The following GALNT5 variants were observed in gnomAD, a reference collection of about 807,000 sequenced individuals.
GALNT5 encodes the protein polypeptide N-acetylgalactosaminyltransferase 5.
In GALNT5, 72 loss-of-function variants were observed where a neutral mutation model predicts 85.4. The ratio of observed to expected loss-of-function variants is 0.84; its 90% CI spans 0.70 to 1.03. The LOEUF (loss-of-function observed/expected upper bound fraction) is 1.03. GALNT5 is among the 50% of genes least tolerant of loss of function. The pLI is 0.00. For missense variants in GALNT5, 1,137 were observed against 1,135.5 expected, an observed-to-expected ratio of 1.00 and a Z score of -0.02; for synonymous variants, 404 against 397.0, an observed-to-expected ratio of 1.02 and a Z score of -0.21.
intron 1 of GALNT5, among the ~76,000 whole-genome samples, chr2:157,268,051 GC>G (rs1357565075): frequency 1.3e-5 from 2 of 152,132 alleles, no homozygotes; most frequent in South Asian, 2.1e-4. Context: ...GGGAGTGAAG[GC>G]CCCTGAAGGC....
chr2:157,296,598 T>C, intron 5 of GALNT5, 85 bp downstream of exon 5: 1 of 954,878 alleles, frequency 1.0e-6, no homozygotes, highest in East Asian at 2.5e-5. Flanking sequence ...AGCTGTATCT[T>C]GTTATTCTAT....
chr2:157,258,242 C>T lies in GALNT5; in HGVS notation c.160C>T (p.Arg54Trp), dbSNP rs747442167. ...CAAGGAAGACATTGTGAGGAGGGAG[C>T]GGATAGGATTCAGAGTTCAGCCAGA... ...VIKEDIVRRE[R>W]IGFRVQPDQG... The change falls in exon 1 of 10, where the codon CGG becomes TGG. Residue 54 changes from arginine (R) to tryptophan (W), a missense_variant. Coordinates refer to ENST00000259056, the MANE Select transcript of GALNT5 (RefSeq NM_014568.3). 25 of 1,611,792 alleles carry T rather than the reference C, an allele frequency of 1.6e-5. No homozygotes were observed. The highest frequency in any genetic ancestry group is 2.0e-5 in the Non-Finnish European group (24 of 1,179,186).
chr2:157,292,712 A>AT (rs34679647), intron 3 of GALNT5, among the ~76,000 whole-genome samples: 4,563 of 147,088 alleles, frequency 0.031, 129 homozygotes, highest in East Asian at 0.16. Context: ...TCGTATTATT[A>AT]TTTTTTTTTT....
At chr2:157,287,103 A>G (rs1374150124) in intron 3 of GALNT5, among the ~76,000 whole-genome samples, 3 of 151,980 alleles carry the variant, frequency 2.0e-5, no homozygotes, top group Non-Finnish European at 4.4e-5. Flanking sequence ...CATATAATAT[A>G]ACATAATATC....
intron 5 of GALNT5, among the ~76,000 whole-genome samples, chr2:157,297,199 C>A (rs1460568743): frequency 1.3e-5 from 2 of 152,174 alleles, no homozygotes. Flanking sequence ...AAGCCAGCCC[C>A]AACAGAAAGC....
At chr2:157,294,183 G>A (rs1683159412) in intron 3 of GALNT5, among the ~76,000 whole-genome samples, 1 of 152,198 alleles carries the variant, frequency 6.6e-6, no homozygotes, top group Admixed American at 6.5e-5. Flanking sequence ...AATGAAAGCA[G>A]TAGTCAAGCC....
At chr2:157,293,498 C>T (rs139113688) in intron 3 of GALNT5, among the ~76,000 whole-genome samples, 66 of 152,284 alleles carry the variant, frequency 4.3e-4, no homozygotes, top group African/African-American at 1.5e-3. Flanking sequence ...TGGATTGACA[C>T]GTACATTCAG....
At position 157,263,420 on chromosome 2, in the gene GALNT5, C is replaced by T. The variant is rs968249621; in HGVS notation, c.1454+3884C>T. 2.6e-4 allele frequency among the ~76,000 whole-genome samples: 39 copies of T among 152,322 alleles called. No individual in the cohort carries two copies. In the East Asian group the frequency reaches 2.9e-3, roughly 11 times the overall value. On this transcript the variant is annotated intron_variant, in intron 1 of 9. Transcript: ENST00000259056. The stretch of plus-strand genomic sequence containing the variant: ...TAATTCAATGTTGCTCAGAATCCAA[C>T]TGTGGCTTCCTTCCACCTGGACCAT...
rs777256847 is a variant in GALNT5, at chr2:157,300,759, C to T, written c.2199C>T (p.Phe733=). The change falls in exon 7 of 10, where the codon TTC becomes TTT. Residue 733 remains phenylalanine, a synonymous_variant. Coordinates refer to ENST00000259056, the MANE Select transcript of GALNT5 (RefSeq NM_014568.3). ...TCAGAAATGACAATCCATATTCCTTCCCCAAAGACCGGATGAAGACAGTGG... is the reference window on the plus strand; with the variant it reads ...TCAGAAATGACAATCCATATTCCTTTCCCAAAGACCGGATGAAGACAGTGG... The part of the protein sequence containing the change: ...HIFRNDNPYS[F]PKDRMKTVER... The T allele has an allele frequency of 6.2e-6, 10 of 1,613,902 alleles. No individual in the cohort carries two copies. Among genetic ancestry groups the T allele is most frequent in the Non-Finnish European group, 1.7e-6 (2 of 1,179,904 alleles).
At chr2:157,310,453 A>G (rs1437411040) in intron 9 of GALNT5, among the ~76,000 whole-genome samples, 1 of 152,180 alleles carries the variant, frequency 6.6e-6, no homozygotes. Flanking sequence ...CAAGGGTGAC[A>G]ATACTTTTGT....
rs369600914 is a variant in GALNT5, at chr2:157,292,262, T to C, written c.1742-3401T>C. Among the ~76,000 whole-genome samples the C allele has an allele frequency of 1.4e-4, 22 of 152,336 alleles. No homozygotes were observed. The East Asian group carries it at 3.3e-3, about 23-fold the overall frequency. ...TCTCCCCTCTCTGAATCAGGAACAG[T>C]GCGTACAATGTCCATAGACAATAAC... is the stretch of plus-strand genomic sequence containing the variant. On this transcript the variant is annotated intron_variant, in intron 3 of 9. Transcript: ENST00000259056.
Position 157,257,938 on chromosome 2 carries a change from A to G in GALNT5, c.-145A>G. On this transcript the variant is annotated 5_prime_UTR_variant, in exon 1 of 10. Transcript: ENST00000259056. ...GGTAGGAACTGAGCTTTCCCCTTGG[A>G]CTGCTGCTTCCTGCTGTGTTCAGGG... The G allele has an allele frequency of 1.3e-6, 1 of 780,948 alleles. No individual in the cohort carries two copies. Among genetic ancestry groups the G allele is most frequent in the Non-Finnish European group, 2.1e-6 (1 of 468,510 alleles). 48.4% of individuals were successfully genotyped at this position (780,948 alleles called of 1,614,324 possible).
intron 1 of GALNT5, among the ~76,000 whole-genome samples, chr2:157,259,967 T>C (rs1682302065): frequency 6.6e-6 from 1 of 152,234 alleles, no homozygotes; most frequent in African/African-American, 2.4e-5. Context: ...AGAAGGACTC[T>C]TCTAGGCCTC....
rs1683711982 is a variant in GALNT5 at position 157,316,642 on chromosome 2, G to T, written c.*5294G>T. ...GAAAAAAAAATTAACCAGAGATATT[G>T]TACAAAATATTTATTTTTTGACAGT... On this transcript the variant is annotated 3_prime_UTR_variant, in exon 10 of 10. Coordinates refer to ENST00000259056, the MANE Select transcript of GALNT5 (RefSeq NM_014568.3). 6.6e-6 allele frequency among the ~76,000 whole-genome samples: 1 copy of T among 151,944 alleles called. No individual in the cohort carries two copies. Among genetic ancestry groups the T allele is most frequent in the Admixed American group, 6.6e-5 (1 of 15,250 alleles).
At position 157,308,840 on chromosome 2, in the gene GALNT5, C is replaced by CCCAT. The variant is rs1176428795; in HGVS notation, c.2682+112_2682+113insCCAT. 3 of 778,820 alleles carry CCCAT rather than the reference C, an allele frequency of 3.9e-6. No individual in the cohort carries two copies. The Admixed American group carries it at 8.9e-5, about 23-fold the overall frequency. 48.2% of individuals were successfully genotyped at this position (778,820 alleles called of 1,614,324 possible). A position where few individuals can be genotyped will look rare whatever the true frequency, so the allele number is the denominator to read the frequency against. ...GTCAGAAGTTTTGTGTGTTTGTGAC[C>CCCAT]ATGGGATTATGTAAAAGTTCATTCA... On this transcript the variant is annotated intron_variant, in intron 9 of 9. Transcript: ENST00000259056.
At position 157,312,508 on chromosome 2, in the gene GALNT5, G is replaced by A. The variant is rs1003919395; in HGVS notation, c.*1160G>A. On this transcript the variant is annotated 3_prime_UTR_variant, in exon 10 of 10. Transcript: ENST00000259056. ...GAGTAAAGCCCTCAGTGTGAACCCA[G>A]TGAGAACACTGACAAATTTGGGAAA... is the stretch of plus-strand genomic sequence containing the variant. 2.0e-5 allele frequency: 3 copies of A among 151,990 alleles called. No individual in the cohort carries two copies. Among genetic ancestry groups the A allele is most frequent in the African/African-American group, 4.8e-5 (2 of 41,378 alleles). The allele number at this position is 151,990 out of a possible 1,614,324, so 9.4% of individuals were successfully genotyped here. A position where few individuals can be genotyped will look rare whatever the true frequency, so the allele number is the denominator to read the frequency against.
intron 1 of GALNT5, among the ~76,000 whole-genome samples, chr2:157,274,956 G>T (rs907092217): frequency 1.6e-4 from 25 of 152,128 alleles, no homozygotes; most frequent in African/African-American, 4.1e-4. Flanking sequence ...GGGTTTTTAC[G>T]GTTTTAGGTC....
chr2:157,262,594 T>C (rs1029644227), intron 1 of GALNT5, among the ~76,000 whole-genome samples: 2 of 149,638 alleles, frequency 1.3e-5, no homozygotes, highest in Non-Finnish European at 2.9e-5. Context: ...ACCAAGATTG[T>C]GCCACTAGCC....
Position 157,305,773 on chromosome 2 carries a change from T to A in GALNT5, c.2464T>A (p.Cys822Ser). The A allele has an allele frequency of 6.2e-7, 1 of 1,606,914 alleles. No individual in the cohort carries two copies. The highest frequency in any genetic ancestry group is 8.5e-7 in the Non-Finnish European group (1 of 1,173,656). The change falls in exon 8 of 10, where the codon TGC becomes AGC. Residue 822 changes from cysteine to serine, a missense_variant. By Grantham distance (112) the Cys-to-Ser change is moderately radical. Coordinates refer to ENST00000259056, the MANE Select transcript of GALNT5 (RefSeq NM_014568.3). ...GVLINVALGK[C>S]ISIENTTVIL... ...GCTTATTAATGTGGCTTTGGGTAAA[T>A]GCATTTCCATTGAAAACACTACAGT...
Sources: allele counts gnomAD v4.1 joint callset (sites outside exome capture counted in the v4.1 genomes callset), GRCh38; gene constraint gnomAD v4.1.1; transcripts MANE v1.5; gene names NCBI Gene and HGNC (gene_info 2026-07-23, HGNC 2026-07-21).